ZC3H14: variants seen among roughly 807,000 people sequenced by gnomAD.
ZC3H14 encodes zinc finger CCCH-type containing 14.
ZC3H14 carries 31 observed loss-of-function variants against 92.4 expected under a neutral mutation model. The observed-to-expected ratio is 0.34, with a 90% CI of 0.25 to 0.45. The LOEUF is 0.45. ZC3H14 is among the 20% of genes least tolerant of loss of function. ZC3H14 has a pLI of 1.00. For missense variants in ZC3H14, 781 were observed against 897.3 expected (o/e 0.87, Z 1.66); for synonymous variants, 321 against 300.9 (o/e 1.07, Z -0.69).
In ZC3H14 at chr14:88,622,771, T is replaced by G; in HGVS notation, c.*11020T>G. 8 of 1,313,960 alleles carry G rather than the reference T, an allele frequency of 6.1e-6. No individual in the cohort carries two copies. The South Asian group carries it at 1.1e-4, about 19-fold the overall frequency. 81.4% of individuals were successfully genotyped at this position (1,313,960 alleles called of 1,614,324 possible). The stretch of plus-strand genomic sequence containing the variant: ...TGTTCATTATTGGCTACTATAATTT[T>G]TATTATAAACAAATACCAAGTTATA... On this transcript the variant is annotated 3_prime_UTR_variant, in exon 17 of 17. Transcript: ENST00000251038.
Position 88,622,611 on chromosome 14 carries a change from C to T in ZC3H14, c.*10860C>T. 1 of 1,603,202 alleles carries T rather than the reference C, an allele frequency of 6.2e-7. No homozygotes were observed. Among genetic ancestry groups the T allele is most frequent in the Non-Finnish European group, 8.5e-7 (1 of 1,174,628 alleles). On this transcript the variant is annotated 3_prime_UTR_variant, in exon 17 of 17. Coordinates refer to ENST00000251038, the MANE Select transcript of ZC3H14 (RefSeq NM_024824.5). ...GCTCATGGAACATCTTACTTTGCCT[C>T]TGCACACAGAACGAACACAATCTGT...
intron 9 of ZC3H14, among the ~76,000 whole-genome samples, chr14:88,581,475 C>T (rs1028461916): frequency 3.9e-5 from 6 of 152,046 alleles, no homozygotes; most frequent in African/African-American, 7.2e-5. Context: ...CCAGGAGAAT[C>T]GCTTGGATCC....
intron 10 of ZC3H14, among the ~76,000 whole-genome samples, chr14:88,598,948 C>T (rs1232833580): frequency 6.6e-6 from 1 of 152,164 alleles, no homozygotes; most frequent in Non-Finnish European, 1.5e-5. Flanking sequence ...ATTAGCCAGG[C>T]GTGGTGGTGC....
chr14:88,574,574 ATAC>A, intron 6 of ZC3H14, 116 bp from the exon 7 acceptor site: 1 of 1,284,506 alleles, frequency 7.8e-7, no homozygotes, highest in Non-Finnish European at 1.1e-6. Flanking sequence ...AAACCAAGAA[ATAC>A]TCTGTGAATT....
At chr14:88,568,217 C>T in intron 3 of ZC3H14, 64 bp downstream of exon 3, 2 of 1,372,058 alleles carry the variant, frequency 1.5e-6, no homozygotes, top group Non-Finnish European at 2.1e-6. Context: ...GATATTCTGT[C>T]CAAAGAGAGG....
chr14:88,581,493 G>A (rs765242459), intron 9 of ZC3H14, among the ~76,000 whole-genome samples: 11 of 152,078 alleles, frequency 7.2e-5, no homozygotes, highest in South Asian at 2.1e-4. Flanking sequence ...TCCGGGAGGC[G>A]GAGGTTGCAG....
Position 88,620,934 on chromosome 14 carries a change from TAAAAAA to T in ZC3H14, c.*9195_*9200del. On this transcript the variant is annotated 3_prime_UTR_variant, in exon 17 of 17. Transcript: ENST00000251038. This position sits in a 1 kb window ranked among gnomAD's most constrained non-coding sequence, Gnocchi z 4.3. The stretch of plus-strand genomic sequence containing the variant: ...CACTTTGTTTAACATCTTCTGCATT[TAAAAAA>T]AAAAAAAAAAAGAGTCATAGGAAAC... The T allele has an allele frequency of 2.2e-6, 3 of 1,372,038 alleles. No individual in the cohort carries two copies. Among genetic ancestry groups the T allele is most frequent in the East Asian group, 2.6e-5 (1 of 37,862 alleles). The allele number at this position is 1,372,038 out of a possible 1,614,324, so 85.0% of individuals were successfully genotyped here. A position where few individuals can be genotyped will look rare whatever the true frequency, so the allele number is the denominator to read the frequency against.
At position 88,575,257 on chromosome 14, in the gene ZC3H14, C is replaced by T. The variant is rs752678379; in HGVS notation, c.1022+404C>T. Reference sequence around the variant, plus strand: ...CTGACATAAATATTTAATGTAATACCGTGTAAGACTTTTCCATTGGGTTTT... The same window carrying T: ...CTGACATAAATATTTAATGTAATACTGTGTAAGACTTTTCCATTGGGTTTT... On this transcript the variant is annotated intron_variant, in intron 7 of 16. Coordinates refer to ENST00000251038, the MANE Select transcript of ZC3H14 (RefSeq NM_024824.5). Among the ~76,000 whole-genome samples, 120 of 152,046 alleles carry T rather than the reference C, an allele frequency of 7.9e-4. 2 individuals carry two copies. Among genetic ancestry groups the T allele is most frequent in the Non-Finnish European group, 2.9e-4 (20 of 67,998 alleles).
At chr14:88,578,222 T>A (rs1208772785) in intron 9 of ZC3H14, 82 bp downstream of exon 9, 1 of 1,514,952 alleles carries the variant, frequency 6.6e-7, no homozygotes, top group African/African-American at 1.4e-5. Flanking sequence ...TTTTATGAAA[T>A]ATTACACTAT....
At chr14:88,583,338 G>A (rs1414357691) in intron 9 of ZC3H14, among the ~76,000 whole-genome samples, 1 of 151,782 alleles carries the variant, frequency 6.6e-6, no homozygotes, top group African/African-American at 2.4e-5. Context: ...GGCTGGTCTG[G>A]AACTCCTGAG....
In ZC3H14 at chr14:88,610,903, C is replaced by G; in HGVS notation, c.2167C>G (p.Pro723Ala). The G allele has an allele frequency of 6.2e-7, 1 of 1,614,194 alleles. No individual in the cohort carries two copies. The highest frequency in any genetic ancestry group is 2.2e-5 in the East Asian group (1 of 44,880). Reference sequence around the variant, plus strand: ...CTACCATCCCACCATTAATGTCCCACCACGACATGCCTTGAAATGGATTCG... The same window carrying G: ...CTACCATCCCACCATTAATGTCCCAGCACGACATGCCTTGAAATGGATTCG... ...TFYHPTINVPPRHALKWIRPQ... is the reference protein window; with the variant it reads ...TFYHPTINVPARHALKWIRPQ... Residue 723 changes from proline to alanine, a missense_variant, in exon 16 of 17, where the codon CCA (proline) becomes GCA (alanine). Coordinates refer to ENST00000251038, the MANE Select transcript of ZC3H14 (RefSeq NM_024824.5).
chr14:88,602,356 C>T (rs756177797), intron 11 of ZC3H14, among the ~76,000 whole-genome samples: 1 of 152,112 alleles, frequency 6.6e-6, no homozygotes, highest in Non-Finnish European at 1.5e-5. Flanking sequence ...TCAGGAAATG[C>T]AAGTTTAAAA....
chr14:88,594,491 T>G (rs1038895231), intron 9 of ZC3H14: 5 of 1,355,422 alleles, frequency 3.7e-6, no homozygotes, highest in Non-Finnish European at 3.8e-6. Context: ...GAGCAATTGG[T>G]CTGGTACGTT....
chr14:88,596,812 G>A lies in ZC3H14; in HGVS notation c.1354+4G>A. On this transcript the variant is annotated splice_donor_region_variant and intron_variant, in intron 10 of 16. Transcript: ENST00000251038. The stretch of plus-strand genomic sequence containing the variant: ...GAAACTCTGCAGATGAGTCAAGGTT[G>A]GTAATGTTTCAAGTTGTACTGTAAT... 6.2e-7 allele frequency: 1 copy of A among 1,613,706 alleles called. No individual in the cohort carries two copies. The highest frequency in any genetic ancestry group is 1.1e-5 in the South Asian group (1 of 91,052).
At chr14:88,599,625 C>T (rs2084325855) in intron 10 of ZC3H14, among the ~76,000 whole-genome samples, 1 of 152,150 alleles carries the variant, frequency 6.6e-6, no homozygotes, top group Non-Finnish European at 1.5e-5. Context: ...TTTCGGCTTC[C>T]AGTTCACTCT....
rs1489469366 is a variant in ZC3H14 at position 88,563,110 on chromosome 14, T to G, written c.-24T>G. ...GGGTAAGCCAAGCGCCGCGCAGTGCTGAGTTCCCGCACGCCGCAGAGCCAT... is the reference window on the plus strand; with the variant it reads ...GGGTAAGCCAAGCGCCGCGCAGTGCGGAGTTCCCGCACGCCGCAGAGCCAT... On this transcript the variant is annotated 5_prime_UTR_variant, in exon 1 of 17. Transcript: ENST00000251038. The G allele has an allele frequency of 6.3e-7, 1 of 1,581,378 alleles. No homozygotes were observed. The highest frequency in any genetic ancestry group is 1.3e-5 in the African/African-American group (1 of 74,168).
At chr14:88,598,026 T>A (rs1181016203) in intron 10 of ZC3H14, among the ~76,000 whole-genome samples, 2 of 152,248 alleles carry the variant, frequency 1.3e-5, no homozygotes, top group African/African-American at 4.8e-5. Context: ...CTCTTTGTTA[T>A]TTCTCTGTGG....
Position 88,616,501 on chromosome 14 carries a change from G to GT in ZC3H14, c.*4751dup. On this transcript the variant is annotated 3_prime_UTR_variant, in exon 17 of 17. Transcript: ENST00000251038. The stretch of plus-strand genomic sequence containing the variant: ...AATTTGATAACTGATTATAGGTTTG[G>GT]TGAAAAGCTAATTACAGCTTTTGTA... The GT allele has an allele frequency of 1.7e-6, 1 of 603,530 alleles. No individual in the cohort carries two copies. Among genetic ancestry groups the GT allele is most frequent in the Non-Finnish European group, 2.9e-6 (1 of 350,610 alleles). 37.4% of individuals were successfully genotyped at this position (603,530 alleles called of 1,614,324 possible).
Position 88,627,414 on chromosome 14 carries a change from T to C in ZC3H14, c.*15663T>C, listed in dbSNP as rs2090079193. On this transcript the variant is annotated 3_prime_UTR_variant, in exon 17 of 17. Coordinates refer to ENST00000251038, the MANE Select transcript of ZC3H14 (RefSeq NM_024824.5). ...CTTGCTGGAAGAAAATAGCAGTGAA[T>C]CATTTATAATGCTAATAATGGTTTC... 4.0e-6 allele frequency: 2 copies of C among 504,202 alleles called. No homozygotes were observed. Among genetic ancestry groups the C allele is most frequent in the Non-Finnish European group, 6.9e-6 (2 of 288,430 alleles). 31.2% of individuals were successfully genotyped at this position (504,202 alleles called of 1,614,324 possible).
Sources: gnomAD v4.1 joint callset for allele counts (sites outside exome capture counted in the v4.1 genomes callset) on GRCh38, gnomAD v4.1.1 for gene constraint, Gnocchi (gnomAD v3.1) non-coding constraint, MANE v1.5 for transcripts, NCBI Gene and HGNC (gene_info 2026-07-23, HGNC 2026-07-21) for gene names.